The following SOX5 variants were observed in gnomAD, a reference collection of about 807,000 sequenced individuals.
SOX5 encodes SRY-box transcription factor 5.
A neutral mutation model predicts 92.0 loss-of-function variants in SOX5; 9 were observed. The ratio of observed to expected loss-of-function variants is 0.10; its 90% CI spans 0.06 to 0.17. The LOEUF is 0.17. SOX5 is among the 10% of genes least tolerant of loss of function. The pLI is 1.00. For synonymous variants in SOX5, 344 were observed against 336.3 expected (o/e 1.02, Z -0.25); for missense variants, 642 against 944.5 (o/e 0.68, Z 4.20).
intron 4 of SOX5, among the ~76,000 whole-genome samples, chr12:24,211,281 T>C (rs976314339): frequency 6.6e-5 from 10 of 152,240 alleles, no homozygotes; most frequent in Non-Finnish European, 1.5e-4. Flanking sequence ...CAGTGTTCTC[T>C]AGTATCTCTG....
intron 6 of SOX5, among the ~76,000 whole-genome samples, chr12:23,712,252 G>T (rs567232984): frequency 6.6e-6 from 1 of 152,272 alleles, no homozygotes; most frequent in South Asian, 2.1e-4. Flanking sequence ...ACCCAAGAGG[G>T]ATACGTAATT....
At chr12:24,060,660 CG>C (rs1216673392) in intron 4 of SOX5, among the ~76,000 whole-genome samples, 5 of 152,148 alleles carry the variant, frequency 3.3e-5, no homozygotes, top group Admixed American at 3.3e-4. Context: ...CCAAAGAGCA[CG>C]TCATCTTCTC....
intron 11 of SOX5, among the ~76,000 whole-genome samples, chr12:23,558,765 G>C (rs952899358): frequency 6.6e-6 from 1 of 152,102 alleles, no homozygotes; most frequent in Non-Finnish European, 1.5e-5. Context: ...ACCACACCTG[G>C]CTAATTTTGT....
At chr12:23,746,687 T>C (rs1482206007) in intron 4 of SOX5, among the ~76,000 whole-genome samples, 11 of 152,072 alleles carry the variant, frequency 7.2e-5, no homozygotes, top group Admixed American at 7.2e-4. Flanking sequence ...TGCCTTAATA[T>C]AATGAGACAA....
intron 2 of SOX5, among the ~76,000 whole-genome samples, chr12:23,865,670 G>A (rs774777168): frequency 8.8e-5 from 13 of 148,392 alleles, no homozygotes; most frequent in South Asian, 2.2e-4. Context: ...GTGAGACTCC[G>A]TCTCAAAAAA....
chr12:23,776,824 C>T lies in SOX5; in HGVS notation c.482-21100G>A, dbSNP rs538578310. On this transcript the variant is annotated intron_variant, in intron 3 of 14. Coordinates refer to ENST00000451604, the MANE Select transcript of SOX5 (RefSeq NM_006940.6). ...AGGAGCTCAGGCAGTCATGCTCGCC[C>T]GCCACTCACCTCCTGCTGTGCAGCC... Among the ~76,000 whole-genome samples the T allele has an allele frequency of 3.2e-4, 48 of 152,152 alleles. 1 individual carries two copies. Among genetic ancestry groups the T allele is most frequent in the Admixed American group, 9.2e-4 (14 of 15,286 alleles).
At chr12:24,119,551 G>C (rs2138297410) in intron 4 of SOX5, among the ~76,000 whole-genome samples, 1 of 152,148 alleles carries the variant, frequency 6.6e-6, no homozygotes, top group East Asian at 1.9e-4. Context: ...AACAATCCAT[G>C]CCACTCAATT....
intron 1 of SOX5, among the ~76,000 whole-genome samples, chr12:24,474,519 T>A (rs936693281): frequency 6.6e-6 from 1 of 152,158 alleles, no homozygotes; most frequent in Non-Finnish European, 1.5e-5. Flanking sequence ...TGATTTTCCG[T>A]AATTATGACT....
intron 4 of SOX5, among the ~76,000 whole-genome samples, chr12:24,133,196 T>G (rs546197892): frequency 2.0e-5 from 3 of 152,336 alleles, no homozygotes; most frequent in South Asian, 2.1e-4. Flanking sequence ...TTCTGGGTCT[T>G]GCTACTGCGA....
At chr12:23,963,581 A>C (rs1211673167) in intron 4 of SOX5, among the ~76,000 whole-genome samples, 1 of 152,132 alleles carries the variant, frequency 6.6e-6, no homozygotes, top group Non-Finnish European at 1.5e-5. Flanking sequence ...TTTAGAGAGC[A>C]TTCAGGGATA....
intron 3 of SOX5, among the ~76,000 whole-genome samples, chr12:24,240,987 T>A (rs1965457528): frequency 6.6e-6 from 1 of 152,200 alleles, no homozygotes; most frequent in Admixed American, 6.5e-5. Flanking sequence ...GAGTTTCATT[T>A]AAGTGTGATG....
At chr12:24,248,327 T>C (rs1362637820) in intron 3 of SOX5, among the ~76,000 whole-genome samples, 2 of 152,240 alleles carry the variant, frequency 1.3e-5, no homozygotes, top group Non-Finnish European at 2.9e-5. Flanking sequence ...AAGCAGATTA[T>C]AGTCTTCAGG....
chr12:23,907,373 C>A (rs2097305274), intron 1 of SOX5, among the ~76,000 whole-genome samples: 2 of 152,174 alleles, frequency 1.3e-5, no homozygotes, highest in African/African-American at 4.8e-5. Flanking sequence ...ACCACACCAC[C>A]TTAATTTAAT....
At chr12:24,272,492 T>A (rs2140335777) in intron 3 of SOX5, among the ~76,000 whole-genome samples, 1 of 152,294 alleles carries the variant, frequency 6.6e-6, no homozygotes. Flanking sequence ...CTATTACGAT[T>A]TATCTTTGCT....
chr12:24,458,332 C>A (rs1195942260), intron 1 of SOX5, among the ~76,000 whole-genome samples: 1 of 152,096 alleles, frequency 6.6e-6, no homozygotes, highest in Non-Finnish European at 1.5e-5. Context: ...TCTAAAAACT[C>A]CAGAATGATT....
intron 1 of SOX5, among the ~76,000 whole-genome samples, chr12:24,445,042 A>G (rs959396097): frequency 6.6e-6 from 1 of 152,248 alleles, no homozygotes; most frequent in Non-Finnish European, 1.5e-5. Context: ...CTGAGATAGT[A>G]ACTGATTCCA....
intron 4 of SOX5, among the ~76,000 whole-genome samples, chr12:24,006,127 G>C (rs1952133964): frequency 6.6e-6 from 1 of 152,148 alleles, no homozygotes; most frequent in South Asian, 2.1e-4. Flanking sequence ...GACCCAGTCA[G>C]TAAATATGAA....
At position 24,267,066 on chromosome 12, in the gene SOX5, A is replaced by C. The variant is rs372518182; in HGVS notation, c.-77+10150T>G. Reference sequence around the variant, plus strand: ...CTAAATACTTATAAATCTGCCTTGAAACCATGTCTGTCACAAAGATTTGAC... The same window carrying C: ...CTAAATACTTATAAATCTGCCTTGACACCATGTCTGTCACAAAGATTTGAC... On this transcript the variant is annotated intron_variant, in intron 3 of 4. Coordinates refer to the SOX5 transcript ENST00000446891. 5.3e-4 allele frequency among the ~76,000 whole-genome samples: 80 copies of C among 152,288 alleles called. No homozygotes were observed. The Middle Eastern group carries it at 0.01, about 19-fold the overall frequency.
intron 4 of SOX5, among the ~76,000 whole-genome samples, chr12:24,111,941 G>T (rs1947399053): frequency 6.6e-6 from 1 of 151,982 alleles, no homozygotes; most frequent in South Asian, 2.1e-4. Context: ...TCTAGTTTTT[G>T]TAAAGGATCT....
Sources: allele counts gnomAD v4.1 joint callset (sites outside exome capture counted in the v4.1 genomes callset), GRCh38; gene constraint gnomAD v4.1.1; transcripts MANE v1.5; gene names NCBI Gene and HGNC (gene_info 2026-07-23, HGNC 2026-07-21).